Variants in CASQ2 observed in about 807,000 individuals in gnomAD.
The protein encoded by CASQ2 is calsequestrin-2.
Under a neutral mutation model 46.5 loss-of-function variants are expected in CASQ2, and 49 were observed. The ratio of observed to expected loss-of-function variants is 1.05; its 90% CI spans 0.84 to 1.34. The LOEUF is 1.34. Among genes scored for constraint, CASQ2 ranks in the 40% most tolerant of loss-of-function variants. CASQ2 has a pLI of 0.00. For synonymous variants in CASQ2, 174 were observed against 168.5 expected, an observed-to-expected ratio of 1.03 and a Z score of -0.25; for missense variants, 486 against 481.3, an observed-to-expected ratio of 1.01 and a Z score of -0.09.
chr1:115,708,839 T>G (rs918632176), intron 8 of CASQ2, among the ~76,000 whole-genome samples: 1 of 152,186 alleles, frequency 6.6e-6, no homozygotes, highest in Non-Finnish European at 1.5e-5. Flanking sequence ...ACGTGGTACA[T>G]GCTGACAGAA....
At chr1:115,748,383 T>G (rs1648458929) in intron 1 of CASQ2, among the ~76,000 whole-genome samples, 1 of 152,196 alleles carries the variant, frequency 6.6e-6, no homozygotes, top group Non-Finnish European at 1.5e-5. Flanking sequence ...TCTCTCTGGC[T>G]TCTAACTGTT....
chr1:115,706,172 G>A (rs563854305), intron 8 of CASQ2, among the ~76,000 whole-genome samples: 6 of 150,492 alleles, frequency 4.0e-5, no homozygotes, highest in South Asian at 2.1e-4. Context: ...ATGTGTGTGC[G>A]TGCGTGTGTG....
intron 1 of CASQ2, among the ~76,000 whole-genome samples, chr1:115,764,091 A>G (rs887045167): frequency 2.0e-5 from 3 of 152,262 alleles, no homozygotes; most frequent in African/African-American, 7.2e-5. Context: ...GCATAGAAAA[A>G]TAATTTATGA....
In CASQ2 at chr1:115,705,307, A is replaced by G. The variant is rs762328039; in HGVS notation, c.839-15T>C. On this transcript the variant is annotated splice_polypyrimidine_tract_variant and intron_variant, in intron 8 of 10. Transcript: ENST00000261448. The stretch of plus-strand genomic sequence containing the variant: ...TTCGTAGCCATCTGAAACAGGATTC[A>G]AGAGAGTTGAGTAACCCCTGCACAT... The G allele has an allele frequency of 1.3e-6, 2 of 1,570,994 alleles. No homozygotes were observed. The highest frequency in any genetic ancestry group is 8.8e-7 in the Non-Finnish European group (1 of 1,140,902).
intron 2 of CASQ2, 134 bp from the exon 3 acceptor site, chr1:115,740,962 G>A (rs1163144521): frequency 1.4e-6 from 1 of 692,482 alleles, no homozygotes. Context: ...AACCAAAGAA[G>A]CAGTTGCCTT....
intron 4 of CASQ2, among the ~76,000 whole-genome samples, chr1:115,735,042 A>T (rs185787272): frequency 9.2e-4 from 140 of 152,324 alleles, no homozygotes; most frequent in African/African-American, 3.3e-3. Context: ...TCAGATTTTG[A>T]ATGTCCAAGT....
chr1:115,746,092 A>T (rs1420352703), intron 1 of CASQ2, among the ~76,000 whole-genome samples: 1 of 151,954 alleles, frequency 6.6e-6, no homozygotes, highest in East Asian at 1.9e-4. Context: ...TAACCTTTTC[A>T]GACTGACTTT....
At position 115,768,279 on chromosome 1, in the gene CASQ2, C is replaced by T. The variant is rs12067339; in HGVS notation, c.234+29G>A. ...TTCCCTCGGCACCTCACTGAGGCAG[C>T]GCAGACAGCATGCCCTTTGGTTACT... is the stretch of plus-strand genomic sequence containing the variant. On this transcript the variant is annotated intron_variant, in intron 1 of 10. Coordinates refer to ENST00000261448, the MANE Select transcript of CASQ2 (RefSeq NM_001232.4). The T allele has an allele frequency of 9.4e-3, 13,549 of 1,433,780 alleles. 1,091 individuals are homozygous for T. In the African/African-American group the frequency reaches 0.17, roughly 18 times the overall value. The allele number at this position is 1,433,780 out of a possible 1,614,324, so 88.8% of individuals were successfully genotyped here.
chr1:115,725,608 T>C, intron 6 of CASQ2, 55 bp from the exon 7 acceptor site: 1 of 1,571,400 alleles, frequency 6.4e-7, no homozygotes, highest in African/African-American at 1.4e-5. Flanking sequence ...TAGGGATCAC[T>C]GTGGCAGACA....
In CASQ2 at chr1:115,713,425, G is replaced by T. The variant is rs151322096; in HGVS notation, c.838+4415C>A. On this transcript the variant is annotated intron_variant, in intron 8 of 10. Coordinates refer to ENST00000261448, the MANE Select transcript of CASQ2 (RefSeq NM_001232.4). ...ACAGCAGGAGAGATCTGGCGATTAG[G>T]CTCGAGGGCCAGGAGAGCAGACTCT... Among the ~76,000 whole-genome samples, 831 of 152,272 alleles carry T rather than the reference G, an allele frequency of 5.5e-3. 7 individuals are homozygous for T. The highest frequency in any genetic ancestry group is 0.019 in the African/African-American group (796 of 41,554).
chr1:115,701,128 A>C lies in CASQ2; in HGVS notation c.*113T>G. On this transcript the variant is annotated 3_prime_UTR_variant, in exon 11 of 11. Coordinates refer to ENST00000261448, the MANE Select transcript of CASQ2 (RefSeq NM_001232.4). ...AGGGAGTGGGAAAAGAGATGATGGA[A>C]AAGGGAAAGGAGCTGGCTGGGTGTG... 6.5e-7 allele frequency: 1 copy of C among 1,530,490 alleles called. No individual in the cohort carries two copies. The highest frequency in any genetic ancestry group is 9.0e-7 in the Non-Finnish European group (1 of 1,106,366). 94.8% of individuals were successfully genotyped at this position (1,530,490 alleles called of 1,614,324 possible).
In CASQ2 at chr1:115,701,301, A is replaced by G. The variant is rs1474409138; in HGVS notation, c.1140T>C (p.Asp380=). ...INTEDDDEDD[D]DDDNSDEEDN... The stretch of plus-strand genomic sequence containing the variant: ...CCTCTTCATCAGAATTATCATCATC[A>G]TCATCATCTTCATCATCATCTTCAG... Residue 380 remains aspartate (D), a synonymous_variant, in exon 11 of 11, where the codon GAT becomes GAC. Coordinates refer to ENST00000261448, the MANE Select transcript of CASQ2 (RefSeq NM_001232.4). 3 of 1,597,822 alleles carry G rather than the reference A, an allele frequency of 1.9e-6. No individual in the cohort carries two copies. The highest frequency in any genetic ancestry group is 2.6e-6 in the Non-Finnish European group (3 of 1,165,472).
intron 1 of CASQ2, among the ~76,000 whole-genome samples, chr1:115,758,613 G>T (rs1165273614): frequency 6.6e-6 from 1 of 152,188 alleles, no homozygotes; most frequent in Non-Finnish European, 1.5e-5. Context: ...CTTATGAATA[G>T]ATTAATGTCC....
At chr1:115,736,023 C>A (rs980662889) in intron 4 of CASQ2, among the ~76,000 whole-genome samples, 4 of 151,768 alleles carry the variant, frequency 2.6e-5, no homozygotes, top group Non-Finnish European at 5.9e-5. Context: ...ATTAGCCAGG[C>A]ATGGTGGCAG....
chr1:115,702,786 A>G (rs1349136632), intron 10 of CASQ2, 135 bp downstream of exon 10: 1 of 725,116 alleles, frequency 1.4e-6, no homozygotes, highest in Non-Finnish European at 2.4e-6. Context: ...ACACACTGGC[A>G]AGTTTCCTTG....
intron 8 of CASQ2, among the ~76,000 whole-genome samples, chr1:115,706,231 A>G (rs978051064): frequency 1.3e-5 from 2 of 152,132 alleles, no homozygotes; most frequent in African/African-American, 4.8e-5. Context: ...CAGAAACACA[A>G]GCCATGTGTG....
intron 8 of CASQ2, among the ~76,000 whole-genome samples, chr1:115,706,044 C>T (rs890226203): frequency 1.3e-5 from 2 of 152,142 alleles, no homozygotes; most frequent in African/African-American, 4.8e-5. Flanking sequence ...AGATAGCATA[C>T]TCTCAACCCT....
At chr1:115,761,680 G>T (rs12023881) in intron 1 of CASQ2, among the ~76,000 whole-genome samples, 50,245 of 151,046 alleles carry the variant, frequency 0.33, 8,568 homozygotes, top group East Asian at 0.54. Flanking sequence ...AGGAAGCTCA[G>T]TCTGTTAGGG....
intron 8 of CASQ2, among the ~76,000 whole-genome samples, chr1:115,709,689 C>G (rs1654481860): frequency 6.6e-6 from 1 of 152,202 alleles, no homozygotes; most frequent in African/African-American, 2.4e-5. Context: ...TTGAATATTT[C>G]CAGGACTGAG....
Sources: gnomAD v4.1 joint callset for allele counts (sites outside exome capture counted in the v4.1 genomes callset) on GRCh38, gnomAD v4.1.1 for gene constraint, MANE v1.5 for transcripts, NCBI Gene and HGNC (gene_info 2026-07-23, HGNC 2026-07-21) for gene names.